SIPA1L2: variants seen among roughly 807,000 people sequenced by gnomAD.
The protein encoded by SIPA1L2 is signal-induced proliferation-associated 1-like protein 2.
Under a neutral mutation model 163.9 loss-of-function variants are expected in SIPA1L2, and 56 were observed. The observed-to-expected ratio is 0.34, with a 90% CI of 0.28 to 0.43. SIPA1L2 has a LOEUF of 0.43. SIPA1L2 is among the 20% of genes least tolerant of loss of function. The pLI is 1.00. For synonymous variants in SIPA1L2, 877 were observed against 865.7 expected, an observed-to-expected ratio of 1.01 and a Z score of -0.23; for missense variants, 1,974 against 2,193.5, an observed-to-expected ratio of 0.90 and a Z score of 2.00.
At position 232,572,755 on chromosome 1, in the gene SIPA1L2, ATATATATATATATATATATATATATT is replaced by A. The variant is rs1463451289; in HGVS notation, c.-270+1393_-270+1418del. Among the ~76,000 whole-genome samples, 24 of 79,156 alleles carry A rather than the reference ATATATATATATATATATATATATATT, an allele frequency of 3.0e-4. 1 individual carries two copies. Among genetic ancestry groups the A allele is most frequent in the African/African-American group, 3.4e-4 (8 of 23,818 alleles). The allele number at this position is 79,156 out of a possible 152,430, so 51.9% of individuals were successfully genotyped here. ...CATACATACATATATATATATATAT[ATATATATATATATATATATATATATT>A]TATTTATTTATTTTTTCCTTGAGAC... is the stretch of plus-strand genomic sequence containing the variant. On this transcript the variant is annotated intron_variant, in intron 2 of 22. Coordinates refer to ENST00000674635, the MANE Select transcript of SIPA1L2 (RefSeq NM_020808.5).
intron 19 of SIPA1L2, among the ~76,000 whole-genome samples, chr1:232,407,001 G>A (rs1302198247): frequency 6.6e-6 from 1 of 152,114 alleles, no homozygotes; most frequent in African/African-American, 2.4e-5. Context: ...TGGCCACTAG[G>A]AAAGGAAAAA....
intron 1 of SIPA1L2, among the ~76,000 whole-genome samples, chr1:232,616,496 A>T (rs1573180730): frequency 2.0e-5 from 3 of 152,112 alleles, no homozygotes; most frequent in South Asian, 4.1e-4. Context: ...TGCCCCTTCC[A>T]CCTCAACAAG....
At chr1:232,441,721 G>A in intron 13 of SIPA1L2, 47 bp downstream of exon 13, 2 of 1,484,384 alleles carry the variant, frequency 1.3e-6, no homozygotes, top group Non-Finnish European at 1.9e-6. Context: ...GGCAGAGAGG[G>A]GGAAAGGGGG....
chr1:232,433,069 C>T (rs1662344983), intron 15 of SIPA1L2, among the ~76,000 whole-genome samples: 1 of 152,306 alleles, frequency 6.6e-6, no homozygotes, highest in African/African-American at 2.4e-5. Context: ...ACACAGCAAA[C>T]CCCTGCTGCA....
intron 1 of SIPA1L2, among the ~76,000 whole-genome samples, chr1:232,581,638 T>C (rs1232892109): frequency 6.6e-6 from 1 of 152,216 alleles, no homozygotes; most frequent in Non-Finnish European, 1.5e-5. Context: ...TTCAAAACTA[T>C]ACTATGTGTA....
chr1:232,490,234 A>C (rs1455396858), intron 5 of SIPA1L2, among the ~76,000 whole-genome samples: 1 of 152,170 alleles, frequency 6.6e-6, no homozygotes, highest in African/African-American at 2.4e-5. Flanking sequence ...TTCCTAAAAC[A>C]GCAACTACTC....
intron 19 of SIPA1L2, among the ~76,000 whole-genome samples, chr1:232,413,826 T>TATCTCTGGTCTAATCTCTCCTGGGGCA (rs1661091565): frequency 6.6e-6 from 1 of 152,200 alleles, no homozygotes; most frequent in African/African-American, 2.4e-5. Context: ...ACAGAGATCT[T>TATCTCTGGTCTAATCTCTCCTGGGGCA]ATCTCTGGTC....
rs528505446 is a variant in SIPA1L2 at position 232,572,184 on chromosome 1, C to A, written c.-270+1990G>T. On this transcript the variant is annotated intron_variant, in intron 2 of 22. Coordinates refer to ENST00000674635, the MANE Select transcript of SIPA1L2 (RefSeq NM_020808.5). ...AAAGTGCAGTAAAGGCCAGAAGGTC[C>A]CCAGCTGTGTCCGGGCAGCATGAGG... is the stretch of plus-strand genomic sequence containing the variant. Among the ~76,000 whole-genome samples the A allele has an allele frequency of 3.3e-5, 5 of 152,244 alleles. No individual in the cohort carries two copies. In the South Asian group the frequency reaches 1.0e-3, roughly 32 times the overall value.
intron 19 of SIPA1L2, among the ~76,000 whole-genome samples, chr1:232,408,040 C>T (rs958376531): frequency 1.3e-5 from 2 of 152,168 alleles, no homozygotes; most frequent in African/African-American, 4.8e-5. Flanking sequence ...TTCTACGTAA[C>T]AAAGGGTATG....
chr1:232,513,276 G>A (rs1464753376), intron 3 of SIPA1L2, among the ~76,000 whole-genome samples: 1 of 152,078 alleles, frequency 6.6e-6, no homozygotes. Context: ...CCATTTATTT[G>A]ACATAGAATT....
At chr1:232,489,653 C>T (rs774729613) in intron 5 of SIPA1L2, among the ~76,000 whole-genome samples, 32 of 152,116 alleles carry the variant, frequency 2.1e-4, no homozygotes, top group Non-Finnish European at 1.6e-4. Context: ...ATCTGCGGTG[C>T]CAAATATTCA....
intron 1 of SIPA1L2, among the ~76,000 whole-genome samples, chr1:232,605,799 C>T (rs2102864017): frequency 6.6e-6 from 1 of 152,308 alleles, no homozygotes. Context: ...ACAATTTTTA[C>T]ATTAAGATAA....
chr1:232,562,370 T>C (rs934326535), intron 2 of SIPA1L2, among the ~76,000 whole-genome samples: 15 of 152,252 alleles, frequency 9.9e-5, no homozygotes, highest in Non-Finnish European at 2.2e-4. Context: ...GCTAATTGCC[T>C]GGATGAAAAT....
At chr1:232,518,554 C>T (rs1228276041) in intron 2 of SIPA1L2, among the ~76,000 whole-genome samples, 1 of 152,138 alleles carries the variant, frequency 6.6e-6, no homozygotes, top group East Asian at 1.9e-4. Flanking sequence ...AAGCGTCTTT[C>T]AAGTCTTCAA....
chr1:232,420,515 A>T (rs1218992308), intron 18 of SIPA1L2, among the ~76,000 whole-genome samples: 1 of 151,996 alleles, frequency 6.6e-6, no homozygotes, highest in Non-Finnish European at 1.5e-5. Flanking sequence ...AAGCCTCAGG[A>T]GCCCGTACAA....
chr1:232,462,458 G>A, intron 9 of SIPA1L2: 1 of 1,165,708 alleles, frequency 8.6e-7, no homozygotes, highest in South Asian at 1.7e-5. Context: ...TCACCACTGT[G>A]TCTGATGTTT....
chr1:232,504,260 C>T (rs187404708), intron 3 of SIPA1L2, among the ~76,000 whole-genome samples: 29 of 151,220 alleles, frequency 1.9e-4, no homozygotes, highest in East Asian at 1.2e-3. Context: ...TTCAACAGGC[C>T]GGGAGCAGTG....
rs200191890 is a variant in SIPA1L2 at position 232,495,615 on chromosome 1, C to T, written c.1484-1955G>A. ...GTGAATTATTGATATGGTATATAGT[C>T]CTAGACTTGCACAAAAGGAAACTAG... On this transcript the variant is annotated intron_variant, in intron 3 of 22. Coordinates refer to ENST00000674635, the MANE Select transcript of SIPA1L2 (RefSeq NM_020808.5). 3.3e-5 allele frequency among the ~76,000 whole-genome samples: 5 copies of T among 151,632 alleles called. No homozygotes were observed. The East Asian group carries it at 9.7e-4, about 29-fold the overall frequency.
intron 10 of SIPA1L2, among the ~76,000 whole-genome samples, chr1:232,455,606 GT>G (rs1663851968): frequency 6.6e-6 from 1 of 150,608 alleles, no homozygotes; most frequent in African/African-American, 2.5e-5. Flanking sequence ...GCGTGAACCC[GT>G]GAGGCGGAGC....
Sources: allele counts gnomAD v4.1 joint callset (sites outside exome capture counted in the v4.1 genomes callset), GRCh38; gene constraint gnomAD v4.1.1; transcripts MANE v1.5; gene names NCBI Gene and HGNC (gene_info 2026-07-23, HGNC 2026-07-21).